Variants in PCSK2 observed in about 807,000 individuals in gnomAD.
PCSK2 encodes proprotein convertase subtilisin/kexin type 2.
In PCSK2, 14 loss-of-function variants were observed where a neutral mutation model predicts 69.7. That is an observed-to-expected ratio of 0.20 (90% CI 0.13 to 0.31). PCSK2 has a LOEUF of 0.31. PCSK2 is among the 10% of genes least tolerant of loss of function. The pLI is 1.00. For missense variants in PCSK2, 544 were observed against 842.5 expected (o/e 0.65, Z 4.39); for synonymous variants, 307 against 320.7 (o/e 0.96, Z 0.46).
chr20:17,373,753 G>A (rs962525137), intron 5 of PCSK2, among the ~76,000 whole-genome samples: 1 of 152,182 alleles, frequency 6.6e-6, no homozygotes, highest in African/African-American at 2.4e-5. Flanking sequence ...AGCATATGCT[G>A]GTAGTCCAGT....
chr20:17,418,482 G>C (rs574059235), intron 6 of PCSK2, among the ~76,000 whole-genome samples: 1 of 152,264 alleles, frequency 6.6e-6, no homozygotes, highest in Non-Finnish European at 1.5e-5. Flanking sequence ...GGCTGGTGCA[G>C]GAGGCAGCAT....
At chr20:17,417,846 G>C (rs1212991660) in intron 6 of PCSK2, among the ~76,000 whole-genome samples, 1 of 152,094 alleles carries the variant, frequency 6.6e-6, no homozygotes, top group Non-Finnish European at 1.5e-5. Flanking sequence ...ATTGGTTATG[G>C]GTTAATCATT....
intron 5 of PCSK2, among the ~76,000 whole-genome samples, chr20:17,369,709 C>T (rs2030702115): frequency 6.6e-6 from 1 of 152,208 alleles, no homozygotes; most frequent in South Asian, 2.1e-4. Context: ...AAAGTAGGTA[C>T]AGGGAGGGGG....
chr20:17,378,598 T>C (rs188462687), intron 5 of PCSK2, among the ~76,000 whole-genome samples: 15 of 96,160 alleles, frequency 1.6e-4, no homozygotes, highest in African/African-American at 3.1e-4. Context: ...GACGGATGGA[T>C]GGATGGATGG....
chr20:17,295,213 AACAC>A lies in PCSK2; in HGVS notation c.282+34898_282+34901del, dbSNP rs58508384. Among the ~76,000 whole-genome samples, 701 of 146,156 alleles carry A rather than the reference AACAC, an allele frequency of 4.8e-3. 1 individual carries two copies. The highest frequency in any genetic ancestry group is 0.011 in the Middle Eastern group (3 of 278). Reference sequence around the variant, plus strand: ...GTGAGGTCTGCATTTATACGCAGTTAACACACACACACACACACACACACACACA... The same window carrying A: ...GTGAGGTCTGCATTTATACGCAGTTAACACACACACACACACACACACACA... On this transcript the variant is annotated intron_variant, in intron 2 of 11. Coordinates refer to ENST00000262545, the MANE Select transcript of PCSK2 (RefSeq NM_002594.5).
At chr20:17,474,464 C>T (rs2123416532) in intron 11 of PCSK2, among the ~76,000 whole-genome samples, 1 of 152,296 alleles carries the variant, frequency 6.6e-6, no homozygotes, top group Non-Finnish European at 1.5e-5. Context: ...TTCAGTCTCC[C>T]TCCATCTCTC....
At chr20:17,288,522 C>G (rs1042808632) in intron 2 of PCSK2, among the ~76,000 whole-genome samples, 1 of 152,134 alleles carries the variant, frequency 6.6e-6, no homozygotes, top group South Asian at 2.1e-4. Context: ...ATTGTTTCCC[C>G]CCAGATTCAT....
intron 2 of PCSK2, among the ~76,000 whole-genome samples, chr20:17,303,535 T>A (rs1297210255): frequency 0.037 from 1,237 of 33,244 alleles, 43 homozygotes; most frequent in African/African-American, 0.093. Flanking sequence ...TATATTATAT[T>A]ATATATAATA....
intron 5 of PCSK2, among the ~76,000 whole-genome samples, chr20:17,402,217 C>T (rs758131455): frequency 2.0e-5 from 3 of 152,188 alleles, no homozygotes; most frequent in Admixed American, 6.5e-5. Flanking sequence ...TTTTAAACAA[C>T]TTTGAAAAAG....
At chr20:17,368,770 A>T (rs548927229) in intron 4 of PCSK2, among the ~76,000 whole-genome samples, 1 of 152,258 alleles carries the variant, frequency 6.6e-6, no homozygotes, top group Admixed American at 6.5e-5. Context: ...GCAACACCTC[A>T]CTGGAAACCA....
intron 8 of PCSK2, among the ~76,000 whole-genome samples, chr20:17,449,768 C>T (rs181677118): frequency 4.5e-4 from 68 of 151,802 alleles, no homozygotes; most frequent in Admixed American, 2.0e-3. Flanking sequence ...CTCAGGGGAT[C>T]CACCTGCCTC....
rs1195640080 is a variant in PCSK2 at position 17,227,482 on chromosome 20, G to A, written c.177G>A (p.Lys59=). ...VAAEHGFGVR[K]LPFAEGLYHF... is the part of the protein sequence containing the mutation. ...CAGAACACGGCTTTGGAGTCCGAAAGGTAAGCTCTCCCATGCATTTCGCAT... is the reference window on the plus strand; with the variant it reads ...CAGAACACGGCTTTGGAGTCCGAAAAGTAAGCTCTCCCATGCATTTCGCAT... The change falls in exon 1 of 12, where the codon AAG becomes AAA. Residue 59 remains lysine (K), a splice_region_variant and synonymous_variant. Coordinates refer to ENST00000262545, the MANE Select transcript of PCSK2 (RefSeq NM_002594.5). 1 of 1,613,080 alleles carries A rather than the reference G, an allele frequency of 6.2e-7. No individual in the cohort carries two copies. The highest frequency in any genetic ancestry group is 1.3e-5 in the African/African-American group (1 of 74,892).
At chr20:17,292,733 TAGGTCTTACATA>T (rs1297873270) in intron 2 of PCSK2, among the ~76,000 whole-genome samples, 1 of 152,208 alleles carries the variant, frequency 6.6e-6, no homozygotes, top group Non-Finnish European at 1.5e-5. Flanking sequence ...TTTCTTTATT[TAGGTCTTACATA>T]TGTCCTGTAG....
At chr20:17,354,316 T>C (rs1174670094) in intron 2 of PCSK2, among the ~76,000 whole-genome samples, 2 of 152,212 alleles carry the variant, frequency 1.3e-5, no homozygotes, top group African/African-American at 2.4e-5. Flanking sequence ...CTATACGTTA[T>C]TTTCTGAGAA....
intron 5 of PCSK2, among the ~76,000 whole-genome samples, chr20:17,370,095 C>T (rs538048907): frequency 1.3e-5 from 2 of 152,288 alleles, no homozygotes; most frequent in South Asian, 2.1e-4. Flanking sequence ...GAATCGATCA[C>T]TTATTTTAAC....
intron 2 of PCSK2, among the ~76,000 whole-genome samples, chr20:17,307,989 T>C (rs558314569): frequency 1.3e-5 from 2 of 152,178 alleles, no homozygotes; most frequent in African/African-American, 4.8e-5. Flanking sequence ...GCATCTTCCA[T>C]GGCAGGAGCA....
chr20:17,354,401 C>G (rs2030124157), intron 2 of PCSK2, among the ~76,000 whole-genome samples: 2 of 152,040 alleles, frequency 1.3e-5, no homozygotes, highest in South Asian at 4.1e-4. Context: ...GTATGGAAGG[C>G]TAAAATTCAG....
intron 2 of PCSK2, among the ~76,000 whole-genome samples, chr20:17,335,612 G>A (rs1990326947): frequency 6.6e-6 from 1 of 152,022 alleles, no homozygotes; most frequent in South Asian, 2.1e-4. Context: ...ATTGTACACT[G>A]TCCCCAGTGT....
At chr20:17,330,604 G>A (rs1990183739) in intron 2 of PCSK2, among the ~76,000 whole-genome samples, 2 of 152,006 alleles carry the variant, frequency 1.3e-5, no homozygotes, top group South Asian at 4.2e-4. Context: ...GCGACAGAGT[G>A]AGACTTCATC....
Sources: gnomAD v4.1 joint callset for allele counts (sites outside exome capture counted in the v4.1 genomes callset) on GRCh38, gnomAD v4.1.1 for gene constraint, MANE v1.5 for transcripts, NCBI Gene and HGNC (gene_info 2026-07-23, HGNC 2026-07-21) for gene names.